The following USB1 variants were observed in gnomAD, a reference collection of about 807,000 sequenced individuals.
The protein encoded by USB1 is U6 snRNA phosphodiesterase 1.
In USB1, 21 loss-of-function variants were observed where a neutral mutation model predicts 29.9. That is an observed-to-expected ratio of 0.70 (90% CI 0.50 to 1.01). USB1 has a LOEUF of 1.01. Among genes scored for constraint, USB1 ranks in the 50% least tolerant of loss-of-function variants. The pLI is 0.00. For missense variants in USB1, 330 were observed against 347.1 expected (o/e 0.95, Z 0.39); for synonymous variants, 143 against 134.9 (o/e 1.06, Z -0.42).
chr16:58,002,359 C>T (rs1182083906), intron 1 of USB1, 120 bp from the exon 2 acceptor site: 6 of 1,473,244 alleles, frequency 4.1e-6, no homozygotes, highest in Non-Finnish European at 5.6e-6. Context: ...CTTCCAGCAC[C>T]AGGCTGGAAA....
In USB1 at chr16:58,020,525, C is replaced by T; in HGVS notation, c.*280C>T. ...CTCTCTTCCTCTCCTCTCTCTCTTC[C>T]TCTTCTCTCTCTTCCCCTCCTGTCT... On this transcript the variant is annotated 3_prime_UTR_variant, in exon 7 of 7. Coordinates refer to ENST00000219281, the MANE Select transcript of USB1 (RefSeq NM_024598.4). 6 of 472,264 alleles carry T rather than the reference C, an allele frequency of 1.3e-5. No homozygotes were observed. The highest frequency in any genetic ancestry group is 1.9e-5 in the Non-Finnish European group (5 of 261,252). 29.3% of individuals were successfully genotyped at this position (472,264 alleles called of 1,614,324 possible).
At chr16:58,004,368 G>A (rs571395827) in intron 2 of USB1, among the ~76,000 whole-genome samples, 1 of 152,250 alleles carries the variant, frequency 6.6e-6, no homozygotes, top group East Asian at 1.9e-4. Context: ...GTTAAGTCTC[G>A]AAGTTGGGTA....
chr16:58,006,352 C>CAAAAA (rs35405403), intron 2 of USB1, among the ~76,000 whole-genome samples: 1 of 94,930 alleles, frequency 1.1e-5, no homozygotes, highest in Non-Finnish European at 2.1e-5. Flanking sequence ...AACCTCGTTT[C>CAAAAA]AAAAAAAAAA....
chr16:58,017,338 T>G lies in USB1; in HGVS notation c.508T>G (p.Phe170Val). The change falls in exon 5 of 7, where the codon TTT (phenylalanine) becomes GTT (valine). Residue 170 changes from phenylalanine (F) to valine (V), a missense_variant. Physicochemically the swap from Phe to Val is conservative, Grantham distance 50 (BLOSUM62 -1). Transcript: ENST00000219281. ...GCGTTGTCTTCCTCTCCCCAGGACC[T>G]TTATTGGGCTTGAGGTCACTTCAGG... ...IYTNQEKTRT[F>V]IGLEVTSGHA... The G allele has an allele frequency of 6.2e-7, 1 of 1,614,108 alleles. No individual in the cohort carries two copies. The highest frequency in any genetic ancestry group is 1.7e-4 in the Middle Eastern group (1 of 6,048).
intron 4 of USB1, among the ~76,000 whole-genome samples, chr16:58,014,699 C>A (rs1000976965): frequency 6.6e-6 from 1 of 152,158 alleles, no homozygotes; most frequent in Non-Finnish European, 1.5e-5. Context: ...GGGAGGATCG[C>A]TTGAGCCCTG....
chr16:58,011,257 G>C, intron 3 of USB1: 15 of 1,456,828 alleles, frequency 1.0e-5, no homozygotes, highest in Non-Finnish European at 1.4e-5. Flanking sequence ...GGTCAAACAG[G>C]TCATGGTAAT....
chr16:58,017,268 C>T (rs1044665773), intron 4 of USB1, 66 bp from the exon 5 acceptor site: 34 of 1,466,272 alleles, frequency 2.3e-5, no homozygotes, highest in East Asian at 1.6e-4. Context: ...GGCTCCTGCT[C>T]GGCTGCGCAG....
rs547397050 is a variant in USB1, at chr16:58,010,320, C to T, written c.449+208C>T. The T allele has an allele frequency of 5.0e-5, 31 of 618,016 alleles. No individual in the cohort carries two copies. In the South Asian group the frequency reaches 6.0e-4, roughly 12 times the overall value. 38.3% of individuals were successfully genotyped at this position (618,016 alleles called of 1,614,324 possible). On this transcript the variant is annotated intron_variant, in intron 3 of 6. Coordinates refer to ENST00000219281, the MANE Select transcript of USB1 (RefSeq NM_024598.4). The stretch of plus-strand genomic sequence containing the variant: ...TGACACCCCTGATGCCGTATCTGCT[C>T]TGTAGGAAAAGCCAGCTGTTTTTCT...
Sources: gnomAD v4.1 joint callset for allele counts (sites outside exome capture counted in the v4.1 genomes callset) on GRCh38, gnomAD v4.1.1 for gene constraint, MANE v1.5 for transcripts, NCBI Gene and HGNC (gene_info 2026-07-23, HGNC 2026-07-21) for gene names.